NPLOC4: variants seen among roughly 807,000 people sequenced by gnomAD.
NPLOC4 encodes nuclear protein localization protein 4 homolog.
A neutral mutation model predicts 80.6 loss-of-function variants in NPLOC4; 18 were observed. The ratio of observed to expected loss-of-function variants is 0.22; its 90% CI spans 0.15 to 0.33. The LOEUF is 0.33. Ranked by LOEUF, NPLOC4 falls within the 10% of genes least tolerant of loss-of-function variation. The pLI, the probability that NPLOC4 is intolerant of heterozygous loss-of-function variation, is 1.00. For missense variants in NPLOC4, 540 were observed against 786.1 expected (o/e 0.69, Z 3.74); for synonymous variants, 313 against 301.5 (o/e 1.04, Z -0.39).
At chr17:81,610,342 T>C in intron 4 of NPLOC4, 84 bp from the exon 5 acceptor site, 1 of 1,246,720 alleles carries the variant, frequency 8.0e-7, no homozygotes, top group Admixed American at 2.0e-5. Flanking sequence ...ACGTCCTACT[T>C]TAACAGAGTG....
intron 3 of NPLOC4, among the ~76,000 whole-genome samples, chr17:81,619,196 TCAA>T (rs1231205593): frequency 4.4e-5 from 4 of 90,948 alleles, no homozygotes; most frequent in African/African-American, 1.9e-4. Flanking sequence ...CCAAGAATGA[TCAA>T]TTAAAAAAAA....
chr17:81,613,204 CTT>C, intron 4 of NPLOC4, 112 bp downstream of exon 4: 2 of 859,106 alleles, frequency 2.3e-6, no homozygotes, highest in Non-Finnish European at 1.6e-6. Context: ...AAACTTAAGA[CTT>C]AACATTTCTT....
intron 15 of NPLOC4, 71 bp from the exon 16 acceptor site, chr17:81,565,678 T>C (rs777272596): frequency 5.0e-5 from 58 of 1,160,852 alleles, no homozygotes; most frequent in Non-Finnish European, 6.2e-5. Context: ...AGAACAGGTT[T>C]CTTTCTCCCC....
intron 10 of NPLOC4, 106 bp downstream of exon 10, chr17:81,597,139 G>T: frequency 1.3e-6 from 1 of 768,272 alleles, no homozygotes. Flanking sequence ...TAAATAATGG[G>T]GCCTGAAAGC....
intron 12 of NPLOC4, among the ~76,000 whole-genome samples, chr17:81,576,039 T>A (rs1335827853): frequency 6.6e-6 from 1 of 152,166 alleles, no homozygotes; most frequent in East Asian, 1.9e-4. Context: ...AGCAGTTTGG[T>A]AACAACAAAG....
Position 81,563,827 on chromosome 17 carries a change from G to A in NPLOC4, c.1669+1678C>T, listed in dbSNP as rs373589502. The A allele has an allele frequency of 2.2e-5, 9 of 410,994 alleles. No homozygotes were observed. The East Asian group carries it at 3.1e-4, about 14-fold the overall frequency. 25.5% of individuals were successfully genotyped at this position (410,994 alleles called of 1,614,324 possible). ...TTGCAGCAACATGGATGCAGTTGAAGGCCATTATTCTAAGCAAACTAATGC... is the reference window on the plus strand; with the variant it reads ...TTGCAGCAACATGGATGCAGTTGAAAGCCATTATTCTAAGCAAACTAATGC... On this transcript the variant is annotated intron_variant, in intron 16 of 16. Coordinates refer to ENST00000331134, the MANE Select transcript of NPLOC4 (RefSeq NM_017921.4).
In NPLOC4 at chr17:81,557,294, T is replaced by C. The variant is rs1428815108; in HGVS notation, c.*1965A>G. On this transcript the variant is annotated 3_prime_UTR_variant, in exon 17 of 17. Transcript: ENST00000331134. ...CTTAGCTCTGACTCTCTTTGGACAA[T>C]AAAATAAAGTGCATTACTGAACAAA... is the stretch of plus-strand genomic sequence containing the variant. 6.6e-6 allele frequency: 1 copy of C among 152,352 alleles called. No homozygotes were observed. Among genetic ancestry groups the C allele is most frequent in the East Asian group, 1.9e-4 (1 of 5,196 alleles). 9.4% of individuals were successfully genotyped at this position (152,352 alleles called of 1,614,324 possible).
chr17:81,618,569 G>T (rs573167594), intron 3 of NPLOC4, among the ~76,000 whole-genome samples: 1 of 72,872 alleles, frequency 1.4e-5, no homozygotes, highest in Non-Finnish European at 2.5e-5. Flanking sequence ...CAGCCGCCCC[G>T]TCCGGGAGGG....
chr17:81,565,010 G>A (rs370394546), intron 16 of NPLOC4: 4 of 408,070 alleles, frequency 9.8e-6, no homozygotes, highest in African/African-American at 4.1e-5. Flanking sequence ...GTGGGGAATC[G>A]TTCAGGACCT....
At chr17:81,636,249 G>A (rs574302354) in intron 1 of NPLOC4, 1 of 152,340 alleles carries the variant, frequency 6.6e-6, no homozygotes, top group Non-Finnish European at 1.5e-5. Flanking sequence ...GACATCACAG[G>A]CGTGAGCCAC....
intron 7 of NPLOC4, among the ~76,000 whole-genome samples, 171 bp from the exon 8 acceptor site, chr17:81,604,898 G>A (rs2035158409): frequency 6.6e-6 from 1 of 152,214 alleles, no homozygotes; most frequent in African/African-American, 2.4e-5. Flanking sequence ...GCCGAGGCTA[G>A]AGGATCGCTT....
At chr17:81,595,320 G>A (rs1414510799) in intron 11 of NPLOC4, among the ~76,000 whole-genome samples, 1 of 150,962 alleles carries the variant, frequency 6.6e-6, no homozygotes, top group Non-Finnish European at 1.5e-5. Flanking sequence ...TACAATTCCA[G>A]CTACTCTGAA....
chr17:81,568,855 G>A (rs977280401), intron 14 of NPLOC4, among the ~76,000 whole-genome samples, 161 bp downstream of exon 14: 4 of 152,354 alleles, frequency 2.6e-5, no homozygotes, highest in African/African-American at 7.2e-5. Flanking sequence ...TGGGAAGGGC[G>A]TCCACGTGAC....
chr17:81,594,773 T>A (rs1294017375), intron 11 of NPLOC4, among the ~76,000 whole-genome samples: 2 of 145,648 alleles, frequency 1.4e-5, no homozygotes, highest in African/African-American at 5.2e-5. Flanking sequence ...ACTCCGTCTC[T>A]AGGGAAAAAA....
At chr17:81,618,996 T>C (rs1348598014) in intron 3 of NPLOC4, among the ~76,000 whole-genome samples, 3 of 152,010 alleles carry the variant, frequency 2.0e-5, no homozygotes, top group South Asian at 2.1e-4. Flanking sequence ...AAACAGATGC[T>C]TGAAGGCAGC....
intron 10 of NPLOC4, among the ~76,000 whole-genome samples, chr17:81,596,632 A>G (rs1365434496): frequency 1.3e-5 from 2 of 151,938 alleles, no homozygotes; most frequent in Admixed American, 6.6e-5. Context: ...ACAAGTATCT[A>G]CAATTCCTAA....
intron 8 of NPLOC4, among the ~76,000 whole-genome samples, chr17:81,603,670 T>C (rs1409055295): frequency 2.0e-5 from 3 of 152,192 alleles, no homozygotes; most frequent in Admixed American, 6.6e-5. Context: ...AATACTCATA[T>C]ACCCACCACT....
At chr17:81,571,574 G>A (rs1030101144) in intron 13 of NPLOC4, among the ~76,000 whole-genome samples, 12 of 152,212 alleles carry the variant, frequency 7.9e-5, no homozygotes, top group African/African-American at 2.7e-4. Context: ...TGGCAGCTGT[G>A]CTGGGGCTAG....
rs948395544 is a variant in NPLOC4, at chr17:81,563,934, C to T, written c.1669+1571G>A. 9 of 454,582 alleles carry T rather than the reference C, an allele frequency of 2.0e-5. No individual in the cohort carries two copies. The East Asian group carries it at 2.1e-4, about 11-fold the overall frequency. The allele number at this position is 454,582 out of a possible 1,614,324, so 28.2% of individuals were successfully genotyped here. A position where few individuals can be genotyped will look rare whatever the true frequency, so the allele number is the denominator to read the frequency against. On this transcript the variant is annotated intron_variant, in intron 16 of 16. Transcript: ENST00000331134. ...GTACTCACGTACATAAAGATGGCAACGCCAGGTGTGGTGGTACACATCTGT... is the reference window on the plus strand; with the variant it reads ...GTACTCACGTACATAAAGATGGCAATGCCAGGTGTGGTGGTACACATCTGT...
Sources: allele counts gnomAD v4.1 joint callset (sites outside exome capture counted in the v4.1 genomes callset), GRCh38; gene constraint gnomAD v4.1.1; transcripts MANE v1.5; gene names NCBI Gene and HGNC (gene_info 2026-07-23, HGNC 2026-07-21).